Variants in UNC5D observed in about 807,000 individuals in gnomAD.
The protein encoded by UNC5D is unc-5 netrin receptor D.
Under a neutral mutation model 105.4 loss-of-function variants are expected in UNC5D, and 39 were observed. The observed-to-expected ratio is 0.37, with a 90% CI of 0.29 to 0.48. The LOEUF (loss-of-function observed/expected upper bound fraction) is 0.48, where lower values mean the gene tolerates loss of function less well. Ranked by LOEUF, UNC5D falls within the 20% of genes least tolerant of loss-of-function variation. UNC5D has a pLI of 0.98. For synonymous variants in UNC5D, 452 were observed against 450.4 expected (o/e 1.00, Z -0.04); for missense variants, 991 against 1,202.4 (o/e 0.82, Z 2.60).
chr8:35,342,911 G>A (rs1811553539), intron 1 of UNC5D, among the ~76,000 whole-genome samples: 1 of 152,112 alleles, frequency 6.6e-6, no homozygotes, highest in African/African-American at 2.4e-5. Flanking sequence ...CTAGAGTGCA[G>A]AGCATTTTAA....
intron 1 of UNC5D, among the ~76,000 whole-genome samples, chr8:35,351,957 C>T (rs911380226): frequency 6.6e-6 from 1 of 151,988 alleles, no homozygotes; most frequent in African/African-American, 2.4e-5. Flanking sequence ...GGCAATTTAT[C>T]AGTAAACAGC....
At chr8:35,715,763 A>C (rs1398388185) in intron 8 of UNC5D, among the ~76,000 whole-genome samples, 1 of 152,096 alleles carries the variant, frequency 6.6e-6, no homozygotes, top group Non-Finnish European at 1.5e-5. Context: ...GAATGAGGCC[A>C]GGTCCTCATG....
At chr8:35,673,263 A>G (rs1216180011) in intron 4 of UNC5D, among the ~76,000 whole-genome samples, 1 of 152,196 alleles carries the variant, frequency 6.6e-6, no homozygotes, top group Non-Finnish European at 1.5e-5. Flanking sequence ...AGAGGAGAGG[A>G]CAGGTGACAT....
At chr8:35,631,902 A>G (rs993385876) in intron 4 of UNC5D, among the ~76,000 whole-genome samples, 4 of 152,234 alleles carry the variant, frequency 2.6e-5, no homozygotes, top group Admixed American at 6.5e-5. Context: ...ATTATTTAAT[A>G]TGGTTCTATA....
chr8:35,392,365 T>C (rs998721188), intron 1 of UNC5D, among the ~76,000 whole-genome samples: 7 of 152,150 alleles, frequency 4.6e-5, no homozygotes, highest in Admixed American at 4.6e-4. Context: ...GAGGTTGCCA[T>C]CACACCCAGC....
intron 1 of UNC5D, among the ~76,000 whole-genome samples, chr8:35,303,774 C>T: frequency 6.6e-6 from 1 of 152,122 alleles, no homozygotes; most frequent in Non-Finnish European, 1.5e-5. Context: ...GCACACTTCA[C>T]AGGCAACAAT....
At chr8:35,772,847 T>C (rs534588424) in intron 15 of UNC5D, among the ~76,000 whole-genome samples, 2 of 152,118 alleles carry the variant, frequency 1.3e-5, no homozygotes, top group African/African-American at 2.4e-5. Flanking sequence ...TGGTTCCTTA[T>C]TGCTTTAGGA....
intron 1 of UNC5D, among the ~76,000 whole-genome samples, chr8:35,362,989 G>A (rs998058220): frequency 3.3e-5 from 5 of 152,076 alleles, no homozygotes. Context: ...TCCTTTCTCT[G>A]GTCCAGAGTC....
intron 1 of UNC5D, among the ~76,000 whole-genome samples, chr8:35,520,148 T>C (rs1813366987): frequency 6.6e-6 from 1 of 152,030 alleles, no homozygotes; most frequent in African/African-American, 2.4e-5. Flanking sequence ...CCCTAATAGA[T>C]AAAATGTCCC....
chr8:35,238,711 C>G (rs1219601791), intron 1 of UNC5D, among the ~76,000 whole-genome samples: 2 of 152,098 alleles, frequency 1.3e-5, no homozygotes, highest in Non-Finnish European at 2.9e-5. Context: ...ACAAGCTGAG[C>G]TTTCATACAA....
chr8:35,738,087 C>T (rs942158801), intron 11 of UNC5D, among the ~76,000 whole-genome samples: 10 of 151,938 alleles, frequency 6.6e-5, no homozygotes, highest in African/African-American at 2.4e-4. Context: ...GCCTGGGCAA[C>T]AAGAGTGAAA....
intron 1 of UNC5D, among the ~76,000 whole-genome samples, chr8:35,495,430 AG>A: frequency 7.0e-6 from 1 of 143,630 alleles, no homozygotes. Context: ...AAAATACACT[AG>A]TGAAAGCTGA....
chr8:35,777,099 C>T (rs552041786), intron 16 of UNC5D, among the ~76,000 whole-genome samples: 8 of 152,314 alleles, frequency 5.3e-5, no homozygotes, highest in African/African-American at 1.9e-4. Flanking sequence ...ACTAAAAATA[C>T]AAAAATTAGC....
At chr8:35,477,734 A>G (rs1328882629) in intron 1 of UNC5D, among the ~76,000 whole-genome samples, 7 of 152,138 alleles carry the variant, frequency 4.6e-5, no homozygotes, top group Admixed American at 4.6e-4. Context: ...TGTGATTTTT[A>G]CCAAATAGCC....
chr8:35,707,111 G>A lies in UNC5D; in HGVS notation c.1117+1150G>A, dbSNP rs116370305. 5.0e-3 allele frequency among the ~76,000 whole-genome samples: 765 copies of A among 152,230 alleles called. 8 individuals carry two copies. The highest frequency in any genetic ancestry group is 0.018 in the African/African-American group (737 of 41,528). ...AGGGTATTAAAATTCAAAGAGCTTG[G>A]AAGAGTTAATAGCTATTATGAGCTA... On this transcript the variant is annotated intron_variant, in intron 8 of 16. Transcript: ENST00000404895.
At chr8:35,417,994 T>C (rs567563779) in intron 1 of UNC5D, among the ~76,000 whole-genome samples, 1 of 152,282 alleles carries the variant, frequency 6.6e-6, no homozygotes, top group Admixed American at 6.5e-5. Flanking sequence ...GAACAGTGCT[T>C]AGGTGAGCTA....
intron 4 of UNC5D, among the ~76,000 whole-genome samples, chr8:35,631,115 C>T (rs989748679): frequency 2.0e-5 from 3 of 152,114 alleles, no homozygotes; most frequent in Non-Finnish European, 2.9e-5. Flanking sequence ...GAGTTCGAGA[C>T]GAGCCTGGGC....
At chr8:35,397,446 G>T (rs2128946893) in intron 1 of UNC5D, among the ~76,000 whole-genome samples, 1 of 152,202 alleles carries the variant, frequency 6.6e-6, no homozygotes, top group South Asian at 2.1e-4. Flanking sequence ...AGGAACAACA[G>T]TCTGGACTAT....
chr8:35,713,360 AAGT>A (rs1201097308), intron 8 of UNC5D, among the ~76,000 whole-genome samples: 1 of 152,186 alleles, frequency 6.6e-6, no homozygotes, highest in African/African-American at 2.4e-5. Flanking sequence ...ACATGAAGTA[AAGT>A]AGTTTTTTCT....
Sources: gnomAD v4.1 joint callset for allele counts (sites outside exome capture counted in the v4.1 genomes callset) on GRCh38, gnomAD v4.1.1 for gene constraint, MANE v1.5 for transcripts, NCBI Gene and HGNC (gene_info 2026-07-23, HGNC 2026-07-21) for gene names.